The following ZNF407 variants were observed in gnomAD, a reference collection of about 807,000 sequenced individuals.
ZNF407 encodes zinc finger protein 407.
In ZNF407, 17 loss-of-function variants were observed where a neutral mutation model predicts 131.2. That is an observed-to-expected ratio of 0.13 (90% confidence interval 0.09 to 0.19). The LOEUF (loss-of-function observed/expected upper bound fraction) is 0.19. ZNF407 is among the 10% of genes least tolerant of loss of function. The probability of loss-of-function intolerance (pLI) is 1.00; values close to 1 mark genes in which losing one functional copy is unlikely to be tolerated. For missense variants in ZNF407, 2,681 were observed against 2,830.6 expected (o/e 0.95, Z 1.20); for synonymous variants, 1,156 against 1,062.0 (o/e 1.09, Z -1.72).
At chr18:75,057,106 C>T (rs1973570701) in intron 8 of ZNF407, among the ~76,000 whole-genome samples, 1 of 152,148 alleles carries the variant, frequency 6.6e-6, no homozygotes, top group African/African-American at 2.4e-5. Flanking sequence ...AAGGAACCAT[C>T]CCAGCATTCT....
intron 3 of ZNF407, among the ~76,000 whole-genome samples, chr18:74,642,139 A>G (rs1984751886): frequency 6.6e-6 from 1 of 152,062 alleles, no homozygotes; most frequent in Non-Finnish European, 1.5e-5. Context: ...GCAGTTGTGT[A>G]TTTTGACCCT....
chr18:74,849,052 C>CTT (rs35529971), intron 4 of ZNF407, among the ~76,000 whole-genome samples: 2,530 of 122,870 alleles, frequency 0.021, 86 homozygotes, highest in South Asian at 0.03. Context: ...ACTTTTGTTT[C>CTT]TTTTTTTTTT....
chr18:74,771,872 C>G (rs8087967), intron 3 of ZNF407, among the ~76,000 whole-genome samples: 97,526 of 151,910 alleles, frequency 0.64, 33,547 homozygotes, highest in East Asian at 0.95. Flanking sequence ...AAAAAAAAAT[C>G]TCTATGCTTA....
At chr18:74,866,356 C>G (rs7227571) in intron 4 of ZNF407, among the ~76,000 whole-genome samples, 1 of 152,038 alleles carries the variant, frequency 6.6e-6, no homozygotes, top group South Asian at 2.1e-4. Flanking sequence ...ACCTTTCTAG[C>G]TAATCTTACC....
intron 4 of ZNF407, among the ~76,000 whole-genome samples, chr18:74,832,270 T>G (rs148985962): frequency 1.4e-3 from 220 of 152,288 alleles, no homozygotes; most frequent in African/African-American, 5.1e-3. Context: ...ATAGTACTCA[T>G]GTGCTTTACT....
intron 4 of ZNF407, among the ~76,000 whole-genome samples, chr18:74,872,027 G>C (rs1971094109): frequency 1.3e-5 from 2 of 151,894 alleles, no homozygotes; most frequent in Non-Finnish European, 2.9e-5. Flanking sequence ...GTGCCACCAT[G>C]CCTAGCTAAT....
intron 7 of ZNF407, among the ~76,000 whole-genome samples, chr18:74,890,710 G>C (rs1238753346): frequency 6.6e-6 from 1 of 152,138 alleles, no homozygotes; most frequent in African/African-American, 2.4e-5. Context: ...CATAAAAAGT[G>C]ACTCAGTGTT....
At chr18:74,786,886 A>ACCTCC (rs1230689984) in intron 4 of ZNF407, among the ~76,000 whole-genome samples, 1 of 117,686 alleles carries the variant, frequency 8.5e-6, no homozygotes, top group East Asian at 2.7e-4. Context: ...GCTCACTGTG[A>ACCTCC]CCTCCGCCTC....
intron 7 of ZNF407, among the ~76,000 whole-genome samples, chr18:74,891,754 A>T (rs1411338854): frequency 6.6e-6 from 1 of 152,170 alleles, no homozygotes; most frequent in Admixed American, 6.5e-5. Flanking sequence ...CAGTAGTTGG[A>T]GTTCTTGTAA....
intron 4 of ZNF407, among the ~76,000 whole-genome samples, chr18:74,827,799 T>G (rs896820273): frequency 6.6e-6 from 1 of 152,226 alleles, no homozygotes; most frequent in Non-Finnish European, 1.5e-5. Context: ...TGTGTATTTC[T>G]AAGTCTGTCT....
At chr18:74,965,439 C>T (rs1009048466) in intron 8 of ZNF407, among the ~76,000 whole-genome samples, 1 of 152,140 alleles carries the variant, frequency 6.6e-6, no homozygotes. Context: ...GCTTATTTCA[C>T]TTAACATAAT....
chr18:75,051,291 C>T (rs924945531), intron 8 of ZNF407, among the ~76,000 whole-genome samples: 11 of 152,122 alleles, frequency 7.2e-5, no homozygotes, highest in Admixed American at 3.9e-4. Context: ...GTTAGGTTTA[C>T]CCAGAAACTC....
chr18:75,039,693 C>G (rs1477541995), intron 8 of ZNF407, among the ~76,000 whole-genome samples: 2 of 144,718 alleles, frequency 1.4e-5, no homozygotes, highest in Non-Finnish European at 3.0e-5. Flanking sequence ...TATCTCTCAG[C>G]CTATTTCTAA....
chr18:74,640,947 TC>T, intron 2 of ZNF407, 60 bp from the exon 3 acceptor site: 1 of 1,267,450 alleles, frequency 7.9e-7, no homozygotes, highest in East Asian at 2.3e-5. Flanking sequence ...AGTCCTCTTT[TC>T]TAAGCTATTG....
intron 8 of ZNF407, among the ~76,000 whole-genome samples, chr18:74,978,941 G>A (rs540832112): frequency 1.3e-4 from 20 of 152,258 alleles, no homozygotes; most frequent in East Asian, 1.9e-4. Flanking sequence ...CGGGAGAGGC[G>A]TGAGGGCTGT....
At chr18:75,010,232 T>A (rs1972958112) in intron 8 of ZNF407, among the ~76,000 whole-genome samples, 1 of 152,158 alleles carries the variant, frequency 6.6e-6, no homozygotes, top group African/African-American at 2.4e-5. Context: ...TACATGAGAT[T>A]TCATCTCATG....
At chr18:74,696,618 A>ATG (rs369910424) in intron 3 of ZNF407, among the ~76,000 whole-genome samples, 32 of 151,576 alleles carry the variant, frequency 2.1e-4, no homozygotes, top group African/African-American at 3.9e-4. Context: ...TAGGGTTATA[A>ATG]TGTGTGTGTG....
At chr18:74,924,930 G>C (rs915682973) in intron 8 of ZNF407, among the ~76,000 whole-genome samples, 1 of 152,190 alleles carries the variant, frequency 6.6e-6, no homozygotes, top group South Asian at 2.1e-4. Flanking sequence ...CCCACGGGTA[G>C]TGTGGTCACT....
At chr18:74,879,269 G>A (rs542818210) in intron 5 of ZNF407, among the ~76,000 whole-genome samples, 2 of 152,208 alleles carry the variant, frequency 1.3e-5, no homozygotes, top group South Asian at 2.1e-4. Flanking sequence ...GAATCCAGAA[G>A]TCCTAAGATT....
Sources: allele counts gnomAD v4.1 joint callset (sites outside exome capture counted in the v4.1 genomes callset), GRCh38; gene constraint gnomAD v4.1.1; transcripts MANE v1.5; gene names NCBI Gene and HGNC (gene_info 2026-07-23, HGNC 2026-07-21).